Variants in GUCY2F observed in about 807,000 individuals in gnomAD.
GUCY2F encodes the protein retinal guanylyl cyclase 2.
A neutral mutation model predicts 73.1 loss-of-function variants in GUCY2F; 61 were observed. The ratio of observed to expected loss-of-function variants is 0.83; its 90% CI spans 0.68 to 1.03. GUCY2F has a LOEUF of 1.03. Ranked by LOEUF, GUCY2F falls within the 50% of genes least tolerant of loss-of-function variation. The pLI is 0.00. For missense variants in GUCY2F, 912 were observed against 854.3 expected (o/e 1.07, Z -0.84); for synonymous variants, 331 against 307.8 (o/e 1.08, Z -0.79).
chrX:109,439,926 T>C (rs1304056541), intron 7 of GUCY2F, among the ~76,000 whole-genome samples: 1 of 111,590 alleles, frequency 9.0e-6, no homozygotes, highest in Non-Finnish European at 1.9e-5. Flanking sequence ...AGAATTTCCC[T>C]TAGCACTCCA....
intron 3 of GUCY2F, among the ~76,000 whole-genome samples, chrX:109,455,220 A>G (rs781517836): frequency 8.9e-6 from 1 of 112,083 alleles, no homozygotes; most frequent in East Asian, 2.8e-4. Context: ...ATATGCATGC[A>G]GGATTTTAAG....
chrX:109,435,143 G>C (rs1931709677), intron 7 of GUCY2F, among the ~76,000 whole-genome samples: 1 of 111,584 alleles, frequency 9.0e-6, no homozygotes, highest in South Asian at 3.7e-4. Flanking sequence ...CTTTAAAGTA[G>C]TTTTTTCCAA....
chrX:109,463,600 G>C (rs1932408365), intron 3 of GUCY2F, among the ~76,000 whole-genome samples: 1 of 110,031 alleles, frequency 9.1e-6, no homozygotes, highest in Admixed American at 9.6e-5. Flanking sequence ...ACCACGCCCG[G>C]CTAACTTTTT....
At chrX:109,419,339 A>G (rs767523844) in intron 8 of GUCY2F, among the ~76,000 whole-genome samples, 78 of 111,100 alleles carry the variant, frequency 7.0e-4, no homozygotes, top group African/African-American at 2.4e-3. Flanking sequence ...TATTAAAATG[A>G]TAATATATCG....
intron 3 of GUCY2F, among the ~76,000 whole-genome samples, chrX:109,461,106 A>G (rs1932353627): frequency 8.9e-6 from 1 of 111,913 alleles, no homozygotes; most frequent in South Asian, 3.7e-4. Context: ...TTTAAGGTTT[A>G]AAGGAGAGTA....
At chrX:109,421,407 A>T (rs1931368295) in intron 8 of GUCY2F, among the ~76,000 whole-genome samples, 1 of 111,630 alleles carries the variant, frequency 9.0e-6, no homozygotes, top group South Asian at 3.7e-4. Context: ...ACTCAGCCTT[A>T]AAAAGGAAGG....
At chrX:109,461,840 G>A (rs1932368620) in intron 3 of GUCY2F, among the ~76,000 whole-genome samples, 1 of 112,205 alleles carries the variant, frequency 8.9e-6, no homozygotes, top group South Asian at 3.7e-4. Context: ...TCTATCTTGG[G>A]TTCAACATAT....
rs763966636 is a variant in GUCY2F at position 109,398,746 on chromosome X, A to G, written c.2126-48T>C. ...TGAATGCAGGGAGGATTAACTGACA[A>G]TATCTGCAATGCCCTCAAGGGCTCA... On this transcript the variant is annotated intron_variant, in intron 10 of 19. Coordinates refer to ENST00000218006, the MANE Select transcript of GUCY2F (RefSeq NM_001522.3). The G allele has an allele frequency of 3.7e-6, 4 of 1,088,937 alleles. No individual in the cohort carries two copies. In the South Asian group the frequency reaches 7.9e-5, roughly 22 times the overall value. 89.7% of individuals were successfully genotyped at this position (1,088,937 alleles called of 1,213,427 possible). A position where few individuals can be genotyped will look rare whatever the true frequency, so the allele number is the denominator to read the frequency against.
At chrX:109,478,809 C>T (rs901613258) in intron 1 of GUCY2F, among the ~76,000 whole-genome samples, 3 of 112,593 alleles carry the variant, frequency 2.7e-5, no homozygotes, top group African/African-American at 9.7e-5. Flanking sequence ...TAAGGGCAAA[C>T]CACGGTAGAA....
intron 2 of GUCY2F, among the ~76,000 whole-genome samples, chrX:109,466,707 G>A: frequency 8.9e-6 from 1 of 111,864 alleles, no homozygotes. Flanking sequence ...TTGAAGAAAG[G>A]CAAAGACTCT....
At chrX:109,388,898 A>C (rs1437517179) in intron 14 of GUCY2F, among the ~76,000 whole-genome samples, 1 of 111,260 alleles carries the variant, frequency 9.0e-6, no homozygotes, top group Non-Finnish European at 1.9e-5. Context: ...TAGCTACCTC[A>C]CAGGCTCCTG....
intron 7 of GUCY2F, among the ~76,000 whole-genome samples, chrX:109,437,159 A>C (rs929447178): frequency 3.6e-5 from 4 of 111,524 alleles, no homozygotes; most frequent in Non-Finnish European, 7.5e-5. Flanking sequence ...TAACCTCTTT[A>C]GTCAGTCCTC....
At chrX:109,381,225 T>A (rs1930300200) in intron 17 of GUCY2F, among the ~76,000 whole-genome samples, 1 of 112,493 alleles carries the variant, frequency 8.9e-6, no homozygotes, top group African/African-American at 3.2e-5. Context: ...TAATTGTGCA[T>A]CACTTAGTGC....
At chrX:109,459,527 G>A (rs754934565) in intron 3 of GUCY2F, among the ~76,000 whole-genome samples, 1 of 111,320 alleles carries the variant, frequency 9.0e-6, no homozygotes, top group African/African-American at 3.3e-5. Flanking sequence ...TCCAGAGCTG[G>A]GGCACTAGAC....
chrX:109,395,344 G>T lies in GUCY2F; in HGVS notation c.2421C>A (p.Asn807Lys), dbSNP rs1360713389. Reference sequence around the variant, plus strand: ...TGATAAGATTCAGAGTCCTTACCTGGTTAAATATTTCATCAAAAGTTGGTC... The same window carrying T: ...TGATAAGATTCAGAGTCCTTACCTGTTTAAATATTTCATCAAAAGTTGGTC... ...EQRPTFDEIF[N>K]QFKTFNKGKK... is the part of the protein sequence containing the mutation. Residue 807 changes from asparagine (N) to lysine (K), a missense_variant, in exon 12 of 20, where the codon AAC (asparagine) becomes AAA (lysine). Physicochemically the swap from Asn to Lys is moderately conservative, Grantham distance 94 (BLOSUM62 0). Transcript: ENST00000218006. 5.0e-6 allele frequency: 6 copies of T among 1,204,252 alleles called. No individual in the cohort carries two copies. The highest frequency in any genetic ancestry group is 6.7e-6 in the Non-Finnish European group (6 of 890,224).
chrX:109,408,803 C>A (rs1464322499), intron 9 of GUCY2F, among the ~76,000 whole-genome samples, 189 bp downstream of exon 9: 1 of 112,023 alleles, frequency 8.9e-6, no homozygotes, highest in African/African-American at 3.3e-5. Context: ...CCATGTGGAA[C>A]TGTAAGTCCA....
At position 109,404,327 on chromosome X, in the gene GUCY2F, C is replaced by T. The variant is rs1383384165; in HGVS notation, c.2125+1G>A. On this transcript the variant is annotated splice_donor_variant, in intron 10 of 19. Transcript: ENST00000218006. LOFTEE classifies it high-confidence loss of function. ...TCAGAAGGGTACAATTCATTGCTTA[C>T]CTTCCATAGAAGATTCCTCTTCAGA... is the stretch of plus-strand genomic sequence containing the variant. 1.7e-6 allele frequency: 2 copies of T among 1,182,569 alleles called. No homozygotes were observed. The highest frequency in any genetic ancestry group is 2.3e-6 in the Non-Finnish European group (2 of 871,585).
In GUCY2F at chrX:109,392,979, T is replaced by C; in HGVS notation, c.2501A>G (p.Asn834Ser). 1 of 1,137,780 alleles carries C rather than the reference T, an allele frequency of 8.8e-7. No homozygotes were observed. Among genetic ancestry groups the C allele is most frequent in the Non-Finnish European group, 1.2e-6 (1 of 827,915 alleles). The allele number at this position is 1,137,780 out of a possible 1,213,427, so 93.8% of individuals were successfully genotyped here. A position where few individuals can be genotyped will look rare whatever the true frequency, so the allele number is the denominator to read the frequency against. Residue 834 changes from asparagine (N) to serine (S), a missense_variant, in exon 13 of 20, where the codon AAC becomes AGC. Physicochemically the swap from Asn to Ser is conservative, Grantham distance 46 (BLOSUM62 1). Transcript: ENST00000218006. The part of the protein sequence containing the change: ...MLRMLEQYSS[N>S]LEDLIRERTE... ...CCGCTCCCGAATCAAATCTTCCAAG[T>C]TGCTAGAATATTGCTCCAACATCCG...
rs759712328 is a variant in GUCY2F, at chrX:109,396,149, G to A, written c.2276-660C>T. ...CATGAAGAGAGTAAGTAACTTACCC[G>A]AGGTCACATGGCTAGTAAGTGACAG... On this transcript the variant is annotated intron_variant, in intron 11 of 19. Coordinates refer to ENST00000218006, the MANE Select transcript of GUCY2F (RefSeq NM_001522.3). Among the ~76,000 whole-genome samples, 4 of 111,049 alleles carry A rather than the reference G, an allele frequency of 3.6e-5. No individual in the cohort carries two copies. In the South Asian group the frequency reaches 1.2e-3, roughly 32 times the overall value.
Sources: gnomAD v4.1 joint callset for allele counts (sites outside exome capture counted in the v4.1 genomes callset) on GRCh38, gnomAD v4.1.1 for gene constraint, MANE v1.5 for transcripts, NCBI Gene and HGNC (gene_info 2026-07-23, HGNC 2026-07-21) for gene names.